CTNNA2: variants seen among roughly 807,000 people sequenced by gnomAD.
The protein encoded by CTNNA2 is catenin alpha 2.
In CTNNA2, 42 loss-of-function variants were observed where a neutral mutation model predicts 101.0. The ratio of observed to expected loss-of-function variants is 0.42; its 90% CI spans 0.32 to 0.54. The LOEUF is 0.54. Among genes scored for constraint, CTNNA2 ranks in the 20% least tolerant of loss-of-function variants. The pLI is 0.14. For synonymous variants in CTNNA2, 450 were observed against 456.4 expected (o/e 0.99, Z 0.18); for missense variants, 871 against 1,223.1 (o/e 0.71, Z 4.29).
intron 7 of CTNNA2, among the ~76,000 whole-genome samples, chr2:80,043,125 CCTTCCTTCCTTCCTTCCT>C (rs1696265056): frequency 7.6e-4 from 21 of 27,508 alleles, no homozygotes; most frequent in African/African-American, 3.9e-3. Flanking sequence ...CTTTCTCCTT[CCTTCCTTCCTTCCTTCCT>C]TCCTTCCTTC....
chr2:79,353,374 T>C (rs981643771), intron 3 of CTNNA2, among the ~76,000 whole-genome samples: 1 of 152,184 alleles, frequency 6.6e-6, no homozygotes, highest in African/African-American at 2.4e-5. Context: ...GATTTCAATT[T>C]TTTGAATTTA....
At chr2:79,799,223 C>G (rs941212789) in intron 3 of CTNNA2, among the ~76,000 whole-genome samples, 5 of 150,988 alleles carry the variant, frequency 3.3e-5, no homozygotes, top group African/African-American at 9.8e-5. Context: ...TCCCCCTCTT[C>G]TTAAATATGT....
At chr2:80,616,904 C>T (rs1442931190) in intron 17 of CTNNA2, among the ~76,000 whole-genome samples, 4 of 151,742 alleles carry the variant, frequency 2.6e-5, no homozygotes, top group African/African-American at 9.7e-5. Context: ...ACTCTGCATC[C>T]TTTTGATGCA....
intron 4 of CTNNA2, among the ~76,000 whole-genome samples, chr2:79,867,849 A>T (rs575571327): frequency 6.6e-6 from 1 of 152,304 alleles, no homozygotes; most frequent in Admixed American, 6.5e-5. Context: ...TTTATGTCCC[A>T]AGAAGAGATT....
chr2:79,681,954 C>T lies in CTNNA2; in HGVS notation c.102+30296C>T, dbSNP rs1408653690. Among the ~76,000 whole-genome samples, 6 of 152,244 alleles carry T rather than the reference C, an allele frequency of 3.9e-5. No individual in the cohort carries two copies. In the Middle Eastern group the frequency reaches 0.014, roughly 345 times the overall value. On this transcript the variant is annotated intron_variant, in intron 2 of 18. Coordinates refer to ENST00000402739, the MANE Select transcript of CTNNA2 (RefSeq NM_001282597.3). ...TACACTTTAAATTTTATTCTTCTTC[C>T]TACGAAGTGGAGTTACCATTCAGAT...
At chr2:79,418,226 A>T (rs1212545821) in intron 4 of CTNNA2, among the ~76,000 whole-genome samples, 2 of 152,116 alleles carry the variant, frequency 1.3e-5, no homozygotes, top group Non-Finnish European at 2.9e-5. Flanking sequence ...TGCAGGAATC[A>T]CTGGGGAAGT....
At chr2:80,121,072 A>G (rs1416158268) in intron 7 of CTNNA2, among the ~76,000 whole-genome samples, 1 of 152,208 alleles carries the variant, frequency 6.6e-6, no homozygotes, top group East Asian at 1.9e-4. Context: ...GATGGAAGCC[A>G]TTTCCCAATT....
intron 3 of CTNNA2, among the ~76,000 whole-genome samples, chr2:79,313,940 C>T (rs773353738): frequency 6.6e-6 from 1 of 152,154 alleles, no homozygotes; most frequent in Non-Finnish European, 1.5e-5. Flanking sequence ...CCAAATGCAG[C>T]GCTTGTTCAG....
At chr2:79,186,550 A>T (rs1219619655) in intron 1 of CTNNA2, among the ~76,000 whole-genome samples, 2 of 152,212 alleles carry the variant, frequency 1.3e-5, no homozygotes, top group South Asian at 2.1e-4. Context: ...TACCATAAAG[A>T]TAAGAGCTTG....
intron 2 of CTNNA2, among the ~76,000 whole-genome samples, chr2:79,662,359 G>T (rs1682095747): frequency 6.6e-6 from 1 of 151,980 alleles, no homozygotes; most frequent in African/African-American, 2.4e-5. Flanking sequence ...GGAAAAAAAT[G>T]GAATTTAAAA....
intron 7 of CTNNA2, among the ~76,000 whole-genome samples, chr2:80,220,370 T>C (rs1264047459): frequency 6.6e-6 from 1 of 152,176 alleles, no homozygotes; most frequent in East Asian, 1.9e-4. Context: ...GGCATCCACG[T>C]TTTTTCCTTC....
chr2:79,894,290 C>T (rs917937361), intron 6 of CTNNA2, among the ~76,000 whole-genome samples: 1 of 151,950 alleles, frequency 6.6e-6, no homozygotes, highest in African/African-American at 2.4e-5. Flanking sequence ...ATATTTTTTG[C>T]CTGGATCATT....
chr2:80,401,711 T>C (rs1205119506), intron 8 of CTNNA2, among the ~76,000 whole-genome samples: 1 of 152,042 alleles, frequency 6.6e-6, no homozygotes, highest in Non-Finnish European at 1.5e-5. Flanking sequence ...GCAATCTCCT[T>C]GGCCTCTATT....
At chr2:79,559,115 A>AGT (rs1674617896) in intron 1 of CTNNA2, among the ~76,000 whole-genome samples, 1 of 151,962 alleles carries the variant, frequency 6.6e-6, no homozygotes, top group Non-Finnish European at 1.5e-5. Context: ...CTTTATAGAT[A>AGT]GTGGAGAGGT....
chr2:79,264,121 A>G (rs1674959443), intron 2 of CTNNA2, among the ~76,000 whole-genome samples: 1 of 152,150 alleles, frequency 6.6e-6, no homozygotes, highest in African/African-American at 2.4e-5. Context: ...CGAAAATAAT[A>G]TAACTGGAAT....
At chr2:79,434,083 C>T (rs1223150865) in intron 4 of CTNNA2, among the ~76,000 whole-genome samples, 1 of 151,846 alleles carries the variant, frequency 6.6e-6, no homozygotes, top group Non-Finnish European at 1.5e-5. Context: ...CATTTGAGCC[C>T]AGGATTTCGA....
intron 2 of CTNNA2, among the ~76,000 whole-genome samples, chr2:79,218,311 TTGTGTG>T (rs60680995): frequency 0.03 from 3,430 of 114,728 alleles, 69 homozygotes; most frequent in Middle Eastern, 0.12. Context: ...TTCATGAACT[TTGTGTG>T]TGTGTGTGTG....
chr2:80,437,900 A>G (rs1223583802), intron 9 of CTNNA2, among the ~76,000 whole-genome samples: 2 of 152,236 alleles, frequency 1.3e-5, no homozygotes, highest in Non-Finnish European at 2.9e-5. Context: ...TGGGAGGCTG[A>G]GGCAGGAGAA....
chr2:79,197,504 C>T (rs1379164999), intron 1 of CTNNA2, among the ~76,000 whole-genome samples: 1 of 151,068 alleles, frequency 6.6e-6, no homozygotes, highest in East Asian at 2.0e-4. Flanking sequence ...CTTGTTGCTG[C>T]TGAGGTTGTG....
Sources: gnomAD v4.1 joint callset for allele counts (sites outside exome capture counted in the v4.1 genomes callset) on GRCh38, gnomAD v4.1.1 for gene constraint, MANE v1.5 for transcripts, NCBI Gene and HGNC (gene_info 2026-07-23, HGNC 2026-07-21) for gene names.